Variants in GABRA6 observed in about 807,000 individuals in gnomAD.
GABRA6 encodes gamma-aminobutyric acid type A receptor subunit alpha6.
In GABRA6, 45 loss-of-function variants were observed where a neutral mutation model predicts 47.3. The ratio of observed to expected loss-of-function variants is 0.95; its 90% CI spans 0.75 to 1.22. The LOEUF is 1.22. GABRA6 is among the 50% of genes most tolerant of loss of function. GABRA6 has a pLI of 0.00. For missense variants in GABRA6, 583 were observed against 549.3 expected (o/e 1.06, Z -0.61); for synonymous variants, 219 against 194.7 (o/e 1.12, Z -1.04).
chr5:161,696,986 C>A (rs998809772), intron 8 of GABRA6, among the ~76,000 whole-genome samples: 11 of 152,152 alleles, frequency 7.2e-5, no homozygotes, highest in African/African-American at 2.7e-4. Flanking sequence ...TACTGAGACT[C>A]ATTGAATTAC....
intron 8 of GABRA6, among the ~76,000 whole-genome samples, chr5:161,693,647 T>C (rs1413942170): frequency 1.2e-5 from 1 of 83,636 alleles, no homozygotes; most frequent in African/African-American, 4.1e-5. Context: ...GACCCCCATA[T>C]CTGCAAAAAT....
chr5:161,686,137 T>A (rs549588611), intron 1 of GABRA6, 93 bp from the exon 2 acceptor site: 8 of 1,356,992 alleles, frequency 5.9e-6, no homozygotes, highest in Middle Eastern at 1.8e-4. Flanking sequence ...AGAAGTGGTG[T>A]TGCATGTATT....
chr5:161,686,331 T>G lies in GABRA6; in HGVS notation c.140T>G (p.Leu47Arg), dbSNP rs1754691385. 6.2e-7 allele frequency: 1 copy of G among 1,613,736 alleles called. No individual in the cohort carries two copies. Among genetic ancestry groups the G allele is most frequent in the Non-Finnish European group, 8.5e-7 (1 of 1,179,634 alleles). ...TTGCTTGAAGGCTATGACAATCGGC[T>G]GCGGCCGGGATTTGGAGGTAAGAAG... ...DNLLEGYDNR[L>R]RPGFGGAVTE... Residue 47 changes from leucine to arginine, a missense_variant, in exon 2 of 9, where the codon CTG becomes CGG. Coordinates refer to ENST00000274545, the MANE Select transcript of GABRA6 (RefSeq NM_000811.3).
At chr5:161,699,566 T>TA (rs1213000820) in intron 8 of GABRA6, among the ~76,000 whole-genome samples, 1 of 150,478 alleles carries the variant, frequency 6.6e-6, no homozygotes, top group Non-Finnish European at 1.5e-5. Context: ...TCTTTTTTTT[T>TA]TTTTTTTTTA....
At chr5:161,688,410 G>A (rs977662431) in intron 3 of GABRA6, among the ~76,000 whole-genome samples, 3 of 151,964 alleles carry the variant, frequency 2.0e-5, no homozygotes, top group Non-Finnish European at 4.4e-5. Flanking sequence ...GAATAGTCAC[G>A]GTAACACTTG....
intron 8 of GABRA6, among the ~76,000 whole-genome samples, chr5:161,695,665 G>A (rs1221521038): frequency 6.6e-6 from 1 of 152,018 alleles, no homozygotes; most frequent in Non-Finnish European, 1.5e-5. Flanking sequence ...GCAATCCTTT[G>A]AGCAGTGTCA....
chr5:161,689,793 C>A lies in GABRA6; in HGVS notation c.673+14C>A. ...AATCTAACACAGGTAAGAATTTGAC[C>A]AAAGGATGGAAATAATCCCTCAGGA... On this transcript the variant is annotated intron_variant, in intron 6 of 8. Transcript: ENST00000274545. 1 of 1,608,426 alleles carries A rather than the reference C, an allele frequency of 6.2e-7. No individual in the cohort carries two copies. The highest frequency in any genetic ancestry group is 8.5e-7 in the Non-Finnish European group (1 of 1,175,142).
At chr5:161,694,248 G>GA (rs1449284748) in intron 8 of GABRA6, among the ~76,000 whole-genome samples, 1 of 147,112 alleles carries the variant, frequency 6.8e-6, no homozygotes, top group African/African-American at 2.5e-5. Context: ...GTCTATAAAT[G>GA]AAAAAAGTGC....
intron 8 of GABRA6, among the ~76,000 whole-genome samples, chr5:161,698,265 T>C (rs943950258): frequency 6.6e-6 from 1 of 152,028 alleles, no homozygotes; most frequent in African/African-American, 2.4e-5. Context: ...TAATTATACC[T>C]ACAAAACAGA....
chr5:161,701,660 A>G lies in GABRA6; in HGVS notation c.1249A>G (p.Ile417Val), dbSNP rs554830106. 1 of 1,614,172 alleles carries G rather than the reference A, an allele frequency of 6.2e-7. No homozygotes were observed. The highest frequency in any genetic ancestry group is 1.1e-5 in the South Asian group (1 of 91,086). Residue 417 changes from isoleucine (I) to valine (V), a missense_variant, in exon 9 of 9, where the codon ATA (isoleucine) becomes GTA (valine). By Grantham distance (29) the Ile-to-Val change is conservative. Coordinates refer to ENST00000274545, the MANE Select transcript of GABRA6 (RefSeq NM_000811.3). Reference sequence around the variant, plus strand: ...GCCAGCCTTTGGAGGCACCAGTAAAATAGACCAGTATTCTCGAATTCTCTT... The same window carrying G: ...GCCAGCCTTTGGAGGCACCAGTAAAGTAGACCAGTATTCTCGAATTCTCTT... Reference protein sequence around the residue: ...LSPAFGGTSKIDQYSRILFPV... With the variant: ...LSPAFGGTSKVDQYSRILFPV...
At chr5:161,688,894 A>T in intron 3 of GABRA6, 55 bp from the exon 4 acceptor site, 1 of 1,483,636 alleles carries the variant, frequency 6.7e-7, no homozygotes, top group African/African-American at 1.4e-5. Context: ...TAGTGAATAA[A>T]CTATTCTTAG....
At chr5:161,687,035 C>T (rs994759742) in intron 3 of GABRA6, 32 bp downstream of exon 3, 2 of 1,588,728 alleles carry the variant, frequency 1.3e-6, no homozygotes, top group African/African-American at 2.7e-5. Context: ...TGGGTGTTTT[C>T]ATTTCGGGGA....
At chr5:161,691,356 C>T (rs1754787556) in intron 7 of GABRA6, among the ~76,000 whole-genome samples, 1 of 124,760 alleles carries the variant, frequency 8.0e-6, no homozygotes, top group Non-Finnish European at 1.6e-5. Flanking sequence ...AGTGCAGTGG[C>T]GGGATCTCGG....
At chr5:161,691,840 C>T (rs1459575760) in intron 7 of GABRA6, 101 bp from the exon 8 acceptor site, 6 of 985,646 alleles carry the variant, frequency 6.1e-6, no homozygotes, top group Non-Finnish European at 9.5e-6. Context: ...ATGACTTTGC[C>T]TTGGTAGAGT....
intron 8 of GABRA6, among the ~76,000 whole-genome samples, chr5:161,697,159 G>A (rs1461706097): frequency 6.6e-6 from 1 of 152,132 alleles, no homozygotes; most frequent in Non-Finnish European, 1.5e-5. Flanking sequence ...TCAGCAGCAG[G>A]GGAGCCCTGC....
chr5:161,686,986 G>C lies in GABRA6; in HGVS notation c.208G>C (p.Val70Leu), dbSNP rs537621877. ...CATTTATGTGACCAGTTTTGGGCCC[G>C]TGTCAGATGTGGAGATGGTGAGTAA... ...TDIYVTSFGP[V>L]SDVEMEYTMD... Residue 70 changes from valine (V) to leucine (L), a missense_variant, in exon 3 of 9, where the codon GTG becomes CTG. By Grantham distance (32) the Val-to-Leu change is conservative. Transcript: ENST00000274545. The C allele has an allele frequency of 1.2e-6, 2 of 1,613,884 alleles. No individual in the cohort carries two copies. The highest frequency in any genetic ancestry group is 2.2e-5 in the South Asian group (2 of 91,082).
chr5:161,696,401 A>G (rs908979337), intron 8 of GABRA6, among the ~76,000 whole-genome samples: 2 of 134,886 alleles, frequency 1.5e-5, no homozygotes, highest in African/African-American at 5.6e-5. Context: ...CCCAGGCTGG[A>G]GCTGATTTTT....
rs79915821 is a variant in GABRA6 at position 161,693,614 on chromosome 5, C to G, written c.1086+1414C>G. Among the ~76,000 whole-genome samples, 323 of 151,414 alleles carry G rather than the reference C, an allele frequency of 2.1e-3. 5 individuals carry two copies. The East Asian group carries it at 0.046, about 22-fold the overall frequency. ...TCACTTGAAGCCAGGAGTTAAAAAT[C>G]AGAATGGGCAACATAGCAGGCTGAC... On this transcript the variant is annotated intron_variant, in intron 8 of 8. Transcript: ENST00000274545.
intron 8 of GABRA6, among the ~76,000 whole-genome samples, chr5:161,699,633 T>C (rs922092359): frequency 3.3e-5 from 5 of 151,600 alleles, no homozygotes; most frequent in South Asian, 4.2e-4. Context: ...CCAGCTAATT[T>C]TTGTATTTCT....
Sources: gnomAD v4.1 joint callset for allele counts (sites outside exome capture counted in the v4.1 genomes callset) on GRCh38, gnomAD v4.1.1 for gene constraint, MANE v1.5 for transcripts, NCBI Gene and HGNC (gene_info 2026-07-23, HGNC 2026-07-21) for gene names.